SV2C: variants seen among roughly 807,000 people sequenced by gnomAD.
The protein encoded by SV2C is solute carrier family 22 member B3.
Under a neutral mutation model 79.7 loss-of-function variants are expected in SV2C, and 49 were observed. The ratio of observed to expected loss-of-function variants is 0.61; its 90% CI spans 0.49 to 0.78. SV2C has a LOEUF of 0.78. SV2C is among the 30% of genes least tolerant of loss of function. SV2C has a pLI of 0.00. For synonymous variants in SV2C, 334 were observed against 333.2 expected, an observed-to-expected ratio of 1.00 and a Z score of -0.03; for missense variants, 833 against 912.9, an observed-to-expected ratio of 0.91 and a Z score of 1.13.
At chr5:75,879,095 G>A in the SV2C span, among the ~76,000 whole-genome samples, 2 of 152,160 alleles carry the variant, frequency 1.3e-5, no homozygotes, top group Admixed American at 1.3e-4. Flanking sequence ...TGGCGCTAAG[G>A]CATTCATGAG....
chr5:75,937,739 A>T, the SV2C span, among the ~76,000 whole-genome samples: 1 of 152,066 alleles, frequency 6.6e-6, no homozygotes, highest in Non-Finnish European at 1.5e-5. Context: ...AAAACAAAAC[A>T]AAACTGTGCC....
At chr5:75,923,017 G>A in the SV2C span, among the ~76,000 whole-genome samples, 1,185 of 152,212 alleles carry the variant, frequency 7.8e-3, 8 homozygotes, top group Middle Eastern at 0.031. Context: ...TAACTTGCCC[G>A]TGGTCACAAA....
chr5:75,972,460 A>T, the SV2C span, among the ~76,000 whole-genome samples: 15 of 152,172 alleles, frequency 9.9e-5, no homozygotes, highest in East Asian at 3.9e-4. Context: ...GAATCTACAA[A>T]GAACTCAAAC....
upstream of SV2C, chr5:76,079,367 C>CA: frequency 3.3e-6 from 1 of 301,354 alleles, no homozygotes. Flanking sequence ...GAAATATATG[C>CA]AAAAAACATG....
At chr5:76,242,462 A>G in intron 4 of SV2C, 1 of 553,524 alleles carries the variant, frequency 1.8e-6, no homozygotes, top group African/African-American at 1.9e-5. Context: ...TGCTGTGATT[A>G]CAGGCATGAA....
the SV2C span, among the ~76,000 whole-genome samples, chr5:75,976,963 C>T: frequency 2.0e-5 from 3 of 152,088 alleles, no homozygotes; most frequent in Admixed American, 1.3e-4. Context: ...CATTACAAGT[C>T]ATAACATTTA....
At chr5:76,100,867 G>A (rs1294192435) in intron 1 of SV2C, among the ~76,000 whole-genome samples, 1 of 152,210 alleles carries the variant, frequency 6.6e-6, no homozygotes, top group African/African-American at 2.4e-5. Flanking sequence ...GCTTATGACA[G>A]CCTTGGCATC....
chr5:75,883,515 T>C, the SV2C span, among the ~76,000 whole-genome samples: 2 of 145,464 alleles, frequency 1.4e-5, no homozygotes, highest in African/African-American at 2.7e-5. Context: ...GCCATAAAAA[T>C]GATGAGTTCA....
Position 76,141,823 on chromosome 5 carries a change from CAAAAAAAA to C in SV2C, c.580+9508_580+9515del, listed in dbSNP as rs11313342. Among the ~76,000 whole-genome samples, 76 of 72,460 alleles carry C rather than the reference CAAAAAAAA, an allele frequency of 1.0e-3. No individual in the cohort carries two copies. The East Asian group carries it at 0.021, about 20-fold the overall frequency. 47.5% of individuals were successfully genotyped at this position (72,460 alleles called of 152,430 possible). The stretch of plus-strand genomic sequence containing the variant: ...TGGGTGACAGAGCAAAAGTCCATCT[CAAAAAAAA>C]AAAAAAAAAAAAAAGTAAAATTTAA... On this transcript the variant is annotated intron_variant, in intron 2 of 12. Coordinates refer to ENST00000502798, the MANE Select transcript of SV2C (RefSeq NM_014979.4).
intron 2 of SV2C, among the ~76,000 whole-genome samples, chr5:76,134,478 G>C (rs1311958797): frequency 6.6e-6 from 1 of 152,146 alleles, no homozygotes. Flanking sequence ...CAAAATGCAA[G>C]AAAGCAGGAT....
chr5:76,090,746 A>G (rs1364359318), intron 1 of SV2C, among the ~76,000 whole-genome samples: 1 of 152,168 alleles, frequency 6.6e-6, no homozygotes, highest in Non-Finnish European at 1.5e-5. Context: ...CTCTTCCAAT[A>G]TTTAGGTTTT....
At chr5:75,989,751 G>T in the SV2C span, among the ~76,000 whole-genome samples, 6 of 151,830 alleles carry the variant, frequency 4.0e-5, no homozygotes, top group African/African-American at 1.5e-4. Context: ...CTCCCACCTA[G>T]AGTGTAAAAG....
the SV2C span, among the ~76,000 whole-genome samples, chr5:75,966,432 G>T: frequency 6.6e-6 from 1 of 152,230 alleles, no homozygotes; most frequent in Admixed American, 6.5e-5. Flanking sequence ...GGTCCCAACA[G>T]GATAAAATGA....
At chr5:76,004,338 C>T in the SV2C span, among the ~76,000 whole-genome samples, 1 of 152,148 alleles carries the variant, frequency 6.6e-6, no homozygotes, top group Non-Finnish European at 1.5e-5. Context: ...CACACACTGG[C>T]TATGGATGTG....
chr5:76,311,623 C>A (rs1748443965), intron 12 of SV2C, among the ~76,000 whole-genome samples: 1 of 152,150 alleles, frequency 6.6e-6, no homozygotes, highest in African/African-American at 2.4e-5. Flanking sequence ...CAAAGATAAG[C>A]AGAGAGCCTA....
At chr5:76,252,504 A>C (rs540714703) in intron 4 of SV2C, among the ~76,000 whole-genome samples, 41 of 152,376 alleles carry the variant, frequency 2.7e-4, no homozygotes, top group Middle Eastern at 6.8e-3. Context: ...CCCTGAGAAC[A>C]CAACCTTCTT....
intron 4 of SV2C, among the ~76,000 whole-genome samples, chr5:76,257,576 G>A (rs900498279): frequency 6.6e-6 from 1 of 150,998 alleles, no homozygotes; most frequent in Non-Finnish European, 1.5e-5. Context: ...GGGGGGACAT[G>A]GATATGTGTG....
At chr5:76,079,331 G>T, upstream of SV2C, 1 of 323,256 alleles carries the variant, frequency 3.1e-6, no homozygotes, top group South Asian at 3.8e-5. Flanking sequence ...GGTAGAGATT[G>T]ACCAAATGGT....
the SV2C span, among the ~76,000 whole-genome samples, chr5:75,977,815 C>T: frequency 6.6e-6 from 1 of 152,306 alleles, no homozygotes; most frequent in African/African-American, 2.4e-5. Context: ...CCTCCCTCAC[C>T]TAGTTAAGGA....
Sources: gnomAD v4.1 joint callset for allele counts (sites outside exome capture counted in the v4.1 genomes callset) on GRCh38, gnomAD v4.1.1 for gene constraint, MANE v1.5 for transcripts, NCBI Gene and HGNC (gene_info 2026-07-23, HGNC 2026-07-21) for gene names.